Variants in RALYL observed in about 807,000 individuals in gnomAD.
RALYL encodes RNA-binding Raly-like protein.
A neutral mutation model predicts 35.1 loss-of-function variants in RALYL; 29 were observed. The observed-to-expected ratio is 0.83, with a 90% CI of 0.61 to 1.13. RALYL has a LOEUF of 1.13. Ranked by LOEUF, RALYL falls within the 50% of genes most tolerant of loss-of-function variation. The pLI is 0.00. For synonymous variants in RALYL, 120 were observed against 127.6 expected (o/e 0.94, Z 0.40); for missense variants, 359 against 360.4 (o/e 1.00, Z 0.03).
chr8:84,738,291 A>G (rs1847686440), intron 2 of RALYL, among the ~76,000 whole-genome samples: 1 of 152,002 alleles, frequency 6.6e-6, no homozygotes. Flanking sequence ...AGCAATAGTA[A>G]GAAGTACAAA....
intron 1 of RALYL, among the ~76,000 whole-genome samples, chr8:84,287,761 CT>C (rs1837942109): frequency 6.6e-6 from 1 of 152,046 alleles, no homozygotes; most frequent in South Asian, 2.1e-4. Context: ...ATGATTAATT[CT>C]AGAAGATCCA....
chr8:84,569,598 T>A (rs1348190883), intron 2 of RALYL, among the ~76,000 whole-genome samples: 2 of 151,774 alleles, frequency 1.3e-5, no homozygotes, highest in Admixed American at 6.6e-5. Flanking sequence ...TAATTAACTG[T>A]CATTTGTCTA....
At position 84,637,938 on chromosome 8, in the gene RALYL, T is replaced by C. The variant is rs147543419; in HGVS notation, c.256+108361T>C. Among the ~76,000 whole-genome samples, 356 of 151,978 alleles carry C rather than the reference T, an allele frequency of 2.3e-3. 3 individuals are homozygous for C. The highest frequency in any genetic ancestry group is 8.0e-3 in the African/African-American group (334 of 41,520). On this transcript the variant is annotated intron_variant, in intron 2 of 8. Coordinates refer to ENST00000521268, the MANE Select transcript of RALYL (RefSeq NM_173848.7). ...GATGTGGTGCTTCAAAGAAAGTACA[T>C]TTAAAAGCTAGAACAAATAGACTTA...
At chr8:84,620,387 G>A (rs1290570401) in intron 2 of RALYL, among the ~76,000 whole-genome samples, 4 of 151,808 alleles carry the variant, frequency 2.6e-5, no homozygotes, top group Non-Finnish European at 5.9e-5. Flanking sequence ...TGATCGCATC[G>A]GCTCCTGAGG....
intron 2 of RALYL, among the ~76,000 whole-genome samples, chr8:84,722,617 TTATATA>T (rs71823678): frequency 3.5e-4 from 34 of 97,366 alleles, no homozygotes; most frequent in East Asian, 8.1e-4. Context: ...TAGAGTGATT[TTATATA>T]TATATATATA....
chr8:84,201,966 T>C lies in RALYL; in HGVS notation c.-24+17542T>C, dbSNP rs184104515. Among the ~76,000 whole-genome samples, 1,362 of 152,266 alleles carry C rather than the reference T, an allele frequency of 8.9e-3. 20 individuals are homozygous for C. Among genetic ancestry groups the C allele is most frequent in the African/African-American group, 0.031 (1,295 of 41,560 alleles). On this transcript the variant is annotated intron_variant, in intron 1 of 8. Coordinates refer to ENST00000521268, the MANE Select transcript of RALYL (RefSeq NM_173848.7). ...TTATGTCATAGATTTCCTTTTTTTA[T>C]ATCCAACCCTCACAACAGGTGTTAG...
At chr8:84,720,398 G>T (rs1483332274) in intron 2 of RALYL, among the ~76,000 whole-genome samples, 1 of 152,118 alleles carries the variant, frequency 6.6e-6, no homozygotes, top group Non-Finnish European at 1.5e-5. Flanking sequence ...AACATGTAGT[G>T]GGGAAAAGAC....
intron 1 of RALYL, among the ~76,000 whole-genome samples, chr8:84,430,919 C>T (rs962203862): frequency 6.6e-6 from 1 of 152,114 alleles, no homozygotes; most frequent in Admixed American, 6.6e-5. Context: ...GAGTGTGAGT[C>T]CCACAGTCAC....
At chr8:84,609,286 T>C (rs11985257) in intron 2 of RALYL, among the ~76,000 whole-genome samples, 13,806 of 152,150 alleles carry the variant, frequency 0.091, 1,591 homozygotes, top group African/African-American at 0.27. Context: ...TTTATAGTTT[T>C]TCTTTGATCA....
chr8:84,773,654 A>G (rs1423706381), intron 2 of RALYL, among the ~76,000 whole-genome samples: 1 of 152,194 alleles, frequency 6.6e-6, no homozygotes, highest in Non-Finnish European at 1.5e-5. Context: ...AAGGCAAAGT[A>G]TGTGCTCTCT....
intron 1 of RALYL, among the ~76,000 whole-genome samples, chr8:84,441,229 G>C (rs983502892): frequency 6.6e-6 from 1 of 152,026 alleles, no homozygotes; most frequent in African/African-American, 2.4e-5. Flanking sequence ...TTCCAGGGGA[G>C]AAACTTTTTG....
At chr8:84,628,748 G>A (rs1195318210) in intron 2 of RALYL, among the ~76,000 whole-genome samples, 1 of 152,034 alleles carries the variant, frequency 6.6e-6, no homozygotes, top group Non-Finnish European at 1.5e-5. Context: ...AGGAATAACA[G>A]TAGCAGTCTC....
intron 1 of RALYL, among the ~76,000 whole-genome samples, chr8:84,500,697 C>T (rs1185779122): frequency 2.6e-5 from 4 of 152,076 alleles, no homozygotes; most frequent in African/African-American, 9.7e-5. Flanking sequence ...GAAAAAGGGA[C>T]ATTTTACAAG....
intron 1 of RALYL, among the ~76,000 whole-genome samples, chr8:84,240,274 C>G (rs1186624188): frequency 6.6e-6 from 1 of 152,114 alleles, no homozygotes. Flanking sequence ...ATAATGTTTT[C>G]TAGAAAATTG....
At chr8:84,581,653 A>G (rs1310822117) in intron 2 of RALYL, among the ~76,000 whole-genome samples, 1 of 152,152 alleles carries the variant, frequency 6.6e-6, no homozygotes, top group Non-Finnish European at 1.5e-5. Flanking sequence ...CTCTGATTAC[A>G]TTACTTGAAT....
chr8:84,268,684 A>T (rs1390070380), intron 1 of RALYL, among the ~76,000 whole-genome samples: 2 of 152,092 alleles, frequency 1.3e-5, no homozygotes, highest in African/African-American at 4.8e-5. Flanking sequence ...TTTTAGGGTT[A>T]CTCCTTTCTA....
chr8:84,543,263 T>C (rs2060132856), intron 2 of RALYL, among the ~76,000 whole-genome samples: 2 of 152,104 alleles, frequency 1.3e-5, no homozygotes, highest in Admixed American at 1.3e-4. Context: ...CTGTCTTTTT[T>C]ATTGTTTTTT....
intron 4 of RALYL, among the ~76,000 whole-genome samples, chr8:84,823,265 G>GAGGT (rs1436364659): frequency 3.9e-5 from 6 of 152,158 alleles, no homozygotes; most frequent in African/African-American, 1.4e-4. Context: ...TGCCTTTGGG[G>GAGGT]AGGTAGTAAT....
At chr8:84,576,646 A>C (rs939932518) in intron 2 of RALYL, among the ~76,000 whole-genome samples, 55 of 152,338 alleles carry the variant, frequency 3.6e-4, no homozygotes, top group African/African-American at 1.2e-3. Flanking sequence ...TCCATAAGGT[A>C]ATGAAAATCA....
Sources: gnomAD v4.1 joint callset for allele counts (sites outside exome capture counted in the v4.1 genomes callset) on GRCh38, gnomAD v4.1.1 for gene constraint, MANE v1.5 for transcripts, NCBI Gene and HGNC (gene_info 2026-07-23, HGNC 2026-07-21) for gene names.